Variants in BTBD9 observed in about 807,000 individuals in gnomAD.
BTBD9 encodes the protein BTB domain containing 9.
A neutral mutation model predicts 64.3 loss-of-function variants in BTBD9; 49 were observed. That is an observed-to-expected ratio of 0.76 (90% CI 0.61 to 0.97). The LOEUF is 0.97. BTBD9 is among the 50% of genes least tolerant of loss of function. BTBD9 has a pLI of 0.00. For missense variants in BTBD9, 598 were observed against 762.1 expected, an observed-to-expected ratio of 0.78 and a Z score of 2.53; for synonymous variants, 260 against 274.7, an observed-to-expected ratio of 0.95 and a Z score of 0.53.
At chr6:38,289,915 A>AAAAACCTTT (rs1252533117) in intron 7 of BTBD9, among the ~76,000 whole-genome samples, 1 of 152,212 alleles carries the variant, frequency 6.6e-6, no homozygotes, top group Non-Finnish European at 1.5e-5. Flanking sequence ...CGTTTAAAAC[A>AAAAACCTTT]AAAACCTTTA....
chr6:38,177,105 G>A (rs925160876), intron 10 of BTBD9, among the ~76,000 whole-genome samples: 9 of 152,064 alleles, frequency 5.9e-5, no homozygotes, highest in African/African-American at 1.7e-4. Flanking sequence ...CTCTTTATCC[G>A]GCCCCACCAT....
At chr6:38,189,272 G>A (rs571635542) in intron 10 of BTBD9, among the ~76,000 whole-genome samples, 18 of 152,142 alleles carry the variant, frequency 1.2e-4, no homozygotes, top group Non-Finnish European at 5.9e-5. Context: ...GTCTCTCCCA[G>A]GAATCCTGCC....
chr6:38,463,210 G>A (rs185963351), intron 6 of BTBD9, among the ~76,000 whole-genome samples: 1 of 152,314 alleles, frequency 6.6e-6, no homozygotes, highest in Non-Finnish European at 1.5e-5. Flanking sequence ...AAATACAATT[G>A]ATTTTTGTAC....
chr6:38,380,749 G>A (rs996201760), intron 6 of BTBD9, among the ~76,000 whole-genome samples: 4 of 152,188 alleles, frequency 2.6e-5, no homozygotes, highest in Non-Finnish European at 4.4e-5. Context: ...GAAGGCTGAG[G>A]TGGGAGGATC....
chr6:38,602,979 CTT>C (rs572951905), intron 1 of BTBD9, among the ~76,000 whole-genome samples: 110 of 152,186 alleles, frequency 7.2e-4, no homozygotes, highest in African/African-American at 2.6e-3. Flanking sequence ...TTCAGTCTGA[CTT>C]TTTCTAGACT....
intron 8 of BTBD9, among the ~76,000 whole-genome samples, chr6:38,257,352 C>G (rs1245422278): frequency 6.6e-6 from 1 of 151,690 alleles, no homozygotes; most frequent in Admixed American, 6.6e-5. Context: ...CATGCACCAC[C>G]ATGCCTGGCT....
rs545564643 is a variant in BTBD9, at chr6:38,287,481, C to T, written c.1454+791G>A. On this transcript the variant is annotated intron_variant, in intron 8 of 10. Coordinates refer to ENST00000481247, the MANE Select transcript of BTBD9 (RefSeq NM_001099272.2). ...TCTTGTATATTATATTTTTCTTGTA[C>T]GTTTTCTATGTTTAGACATGTTCAG... is the stretch of plus-strand genomic sequence containing the variant. Among the ~76,000 whole-genome samples, 5 of 152,138 alleles carry T rather than the reference C, an allele frequency of 3.3e-5. No homozygotes were observed. The South Asian group carries it at 6.2e-4, about 19-fold the overall frequency.
At chr6:38,207,274 G>A in intron 9 of BTBD9, 1 of 238,126 alleles carries the variant, frequency 4.2e-6, no homozygotes, top group South Asian at 4.1e-5. Context: ...AAGAAAATGG[G>A]GTCAATGATG....
chr6:38,507,772 A>T (rs1772597180), intron 6 of BTBD9, among the ~76,000 whole-genome samples: 1 of 151,742 alleles, frequency 6.6e-6, no homozygotes, highest in African/African-American at 2.4e-5. Context: ...TACACACTAA[A>T]TCATCTCATG....
chr6:38,498,468 A>AAC (rs1554163168), intron 6 of BTBD9, among the ~76,000 whole-genome samples: 2 of 151,584 alleles, frequency 1.3e-5, no homozygotes, highest in East Asian at 3.9e-4. Flanking sequence ...AAAAAAAAAA[A>AAC]AAAAAAACAA....
chr6:38,221,287 C>T (rs112819190), intron 9 of BTBD9, among the ~76,000 whole-genome samples: 77 of 152,236 alleles, frequency 5.1e-4, no homozygotes, highest in Non-Finnish European at 9.3e-4. Flanking sequence ...ATATGTCAAA[C>T]CTCCAAGGAA....
intron 1 of BTBD9, among the ~76,000 whole-genome samples, chr6:38,639,102 T>C (rs558552429): frequency 6.6e-6 from 1 of 152,308 alleles, no homozygotes; most frequent in Admixed American, 6.5e-5. Flanking sequence ...AACACGGTTC[T>C]GGGAAATATA....
At chr6:38,187,167 G>A in intron 10 of BTBD9, among the ~76,000 whole-genome samples, 1 of 152,186 alleles carries the variant, frequency 6.6e-6, no homozygotes, top group Non-Finnish European at 1.5e-5. Context: ...CAGTCTTGGG[G>A]GCTGAAACTA....
intron 6 of BTBD9, chr6:38,504,372 C>T (rs1029884702): frequency 3.0e-6 from 1 of 328,102 alleles, no homozygotes; most frequent in Non-Finnish European, 6.1e-6. Context: ...ACGGAGACTA[C>T]AAACTTCCTC....
At chr6:38,615,366 C>T (rs1777748110) in intron 1 of BTBD9, among the ~76,000 whole-genome samples, 1 of 152,242 alleles carries the variant, frequency 6.6e-6, no homozygotes, top group Non-Finnish European at 1.5e-5. Context: ...GCTTAAAACA[C>T]TTCAGTGCCT....
intron 10 of BTBD9, 24 bp downstream of exon 10, chr6:38,192,495 C>T (rs1248448175): frequency 9.4e-6 from 15 of 1,593,786 alleles, no homozygotes; most frequent in Non-Finnish European, 1.3e-5. Context: ...TCTCATGGCA[C>T]CTCTCATGAA....
At chr6:38,309,675 T>G (rs936598530) in intron 7 of BTBD9, among the ~76,000 whole-genome samples, 14 of 152,000 alleles carry the variant, frequency 9.2e-5, no homozygotes, top group Admixed American at 8.5e-4. Context: ...CCTCCCAAAG[T>G]GCTGGGATTA....
chr6:38,372,223 T>C (rs1765455880), intron 6 of BTBD9, among the ~76,000 whole-genome samples: 1 of 152,222 alleles, frequency 6.6e-6, no homozygotes, highest in Non-Finnish European at 1.5e-5. Context: ...TCTAAAGTGA[T>C]TAAAATTTAA....
At chr6:38,286,643 T>C (rs570882364) in intron 8 of BTBD9, among the ~76,000 whole-genome samples, 2 of 152,214 alleles carry the variant, frequency 1.3e-5, no homozygotes, top group Non-Finnish European at 2.9e-5. Flanking sequence ...AATCTTCAAC[T>C]AAAAGTATAG....
Sources: gnomAD v4.1 joint callset for allele counts (sites outside exome capture counted in the v4.1 genomes callset) on GRCh38, gnomAD v4.1.1 for gene constraint, MANE v1.5 for transcripts, NCBI Gene and HGNC (gene_info 2026-07-23, HGNC 2026-07-21) for gene names.